NALCN: variants seen among roughly 807,000 people sequenced by gnomAD.
NALCN encodes sodium leak channel, non-selective.
A neutral mutation model predicts 225.3 loss-of-function variants in NALCN; 111 were observed. The ratio of observed to expected loss-of-function variants is 0.49; its 90% confidence interval spans 0.42 to 0.58. The LOEUF (loss-of-function observed/expected upper bound fraction) is 0.58. Among genes scored for constraint, NALCN ranks in the 20% least tolerant of loss-of-function variants. The pLI is 0.00. For missense variants in NALCN, 1,378 were observed against 2,202.4 expected (o/e 0.63, Z 7.49); for synonymous variants, 764 against 769.0 (o/e 0.99, Z 0.11).
At chr13:101,309,602 T>A (rs1216220431) in intron 7 of NALCN, among the ~76,000 whole-genome samples, 1 of 152,222 alleles carries the variant, frequency 6.6e-6, no homozygotes, top group Admixed American at 6.5e-5. Context: ...AAGACTCTAG[T>A]GTAATGCCTT....
chr13:101,065,393 C>T lies in NALCN; in HGVS notation c.4604+11G>A. 6.2e-7 allele frequency: 1 copy of T among 1,613,910 alleles called. No homozygotes were observed. The highest frequency in any genetic ancestry group is 8.5e-7 in the Non-Finnish European group (1 of 1,179,864). ...GGCCCCCATTCAGCCCTGCGAAAGC[C>T]TGCCTTGTACCTCAGGACATCATGG... On this transcript the variant is annotated intron_variant, in intron 40 of 43. Coordinates refer to ENST00000251127, the MANE Select transcript of NALCN (RefSeq NM_052867.4).
intron 13 of NALCN, among the ~76,000 whole-genome samples, chr13:101,205,793 T>C (rs926039401): frequency 1.3e-5 from 2 of 152,110 alleles, no homozygotes; most frequent in African/African-American, 2.4e-5. Context: ...TACATGAAAT[T>C]GATATTTTCA....
At chr13:101,368,068 A>G (rs2046428353) in intron 6 of NALCN, among the ~76,000 whole-genome samples, 2 of 151,626 alleles carry the variant, frequency 1.3e-5, no homozygotes, top group South Asian at 4.2e-4. Context: ...TTAGTTACAT[A>G]TGTATACATG....
At chr13:101,212,583 A>G (rs2040566243) in intron 13 of NALCN, among the ~76,000 whole-genome samples, 1 of 152,202 alleles carries the variant, frequency 6.6e-6, no homozygotes, top group South Asian at 2.1e-4. Flanking sequence ...ATGAAAAACC[A>G]AGAACATGAT....
At chr13:101,112,856 AC>A (rs2035517494) in intron 18 of NALCN, among the ~76,000 whole-genome samples, 1 of 152,222 alleles carries the variant, frequency 6.6e-6, no homozygotes, top group Admixed American at 6.5e-5. Flanking sequence ...CTCTTATGAT[AC>A]ATGTATAATA....
At chr13:101,069,925 T>G (rs189282750) in intron 37 of NALCN, among the ~76,000 whole-genome samples, 1 of 152,326 alleles carries the variant, frequency 6.6e-6, no homozygotes, top group East Asian at 1.9e-4. Flanking sequence ...TCTTGCTATT[T>G]CTACCAACCA....
chr13:101,398,394 A>G (rs1331431499), intron 2 of NALCN, among the ~76,000 whole-genome samples: 1 of 152,150 alleles, frequency 6.6e-6, no homozygotes, highest in Admixed American at 6.5e-5. Context: ...ATGAGTAAGA[A>G]GTTGATCCTG....
At chr13:101,203,013 C>A (rs1428680536) in intron 13 of NALCN, among the ~76,000 whole-genome samples, 2 of 152,188 alleles carry the variant, frequency 1.3e-5, no homozygotes, top group South Asian at 2.1e-4. Flanking sequence ...ATTCAGCCGT[C>A]CTGAGACCAG....
intron 7 of NALCN, among the ~76,000 whole-genome samples, chr13:101,334,175 C>T (rs1025248204): frequency 2.1e-5 from 3 of 146,090 alleles, no homozygotes; most frequent in East Asian, 2.2e-4. Flanking sequence ...CACACAGGCA[C>T]GCACGTGTGC....
intron 7 of NALCN, among the ~76,000 whole-genome samples, chr13:101,321,290 G>C (rs1311198951): frequency 6.6e-6 from 1 of 152,022 alleles, no homozygotes; most frequent in African/African-American, 2.4e-5. Context: ...AATGGGCGAA[G>C]CATGTGAACC....
At chr13:101,143,282 T>A in intron 16 of NALCN, 61 bp from the exon 17 acceptor site, 1 of 1,500,688 alleles carries the variant, frequency 6.7e-7, no homozygotes, top group Non-Finnish European at 8.9e-7. Flanking sequence ...AGTGACAGCA[T>A]TTTGCAATGA....
At chr13:101,155,066 T>C (rs1432407654) in intron 15 of NALCN, among the ~76,000 whole-genome samples, 1 of 152,164 alleles carries the variant, frequency 6.6e-6, no homozygotes, top group Non-Finnish European at 1.5e-5. Context: ...ATTTCTATGT[T>C]GCATTATTAC....
chr13:101,289,543 TATATATAC>T lies in NALCN; in HGVS notation c.1047+2439_1047+2446del, dbSNP rs1048597982. On this transcript the variant is annotated intron_variant, in intron 9 of 43. Transcript: ENST00000251127. Reference sequence around the variant, plus strand: ...AAATGTGCATATATATATATATATATATATATACACATATTTTCTATACACATGGCTGT... The same window carrying T: ...AAATGTGCATATATATATATATATATACATATTTTCTATACACATGGCTGT... Among the ~76,000 whole-genome samples the T allele has an allele frequency of 4.2e-4, 55 of 131,296 alleles. 1 individual carries two copies. Among genetic ancestry groups the T allele is most frequent in the African/African-American group, 1.2e-3 (48 of 38,562 alleles). 86.1% of individuals were successfully genotyped at this position (131,296 alleles called of 152,430 possible).
At chr13:101,209,818 T>C (rs2040454264) in intron 13 of NALCN, among the ~76,000 whole-genome samples, 1 of 152,190 alleles carries the variant, frequency 6.6e-6, no homozygotes, top group Admixed American at 6.5e-5. Context: ...AAATGTGACA[T>C]TTGTCTAGAA....
At chr13:101,105,033 T>A (rs2139618288) in intron 22 of NALCN, 83 bp from the exon 23 acceptor site, 1 of 1,223,958 alleles carries the variant, frequency 8.2e-7, no homozygotes, top group East Asian at 2.3e-5. Context: ...AAACATCTCA[T>A]CTACCTAAAA....
intron 10 of NALCN, among the ~76,000 whole-genome samples, chr13:101,261,517 C>T (rs183167877): frequency 1.4e-4 from 22 of 152,162 alleles, no homozygotes; most frequent in African/African-American, 2.2e-4. Context: ...GTGTCCTCTT[C>T]GATTTCTTTC....
At chr13:101,186,614 G>C (rs893243608) in intron 14 of NALCN, among the ~76,000 whole-genome samples, 3 of 151,936 alleles carry the variant, frequency 2.0e-5, no homozygotes, top group African/African-American at 4.8e-5. Context: ...GTTATATAGT[G>C]TTTCCTTTTA....
intron 3 of NALCN, among the ~76,000 whole-genome samples, chr13:101,385,748 C>T (rs1362545205): frequency 6.6e-6 from 1 of 152,120 alleles, no homozygotes; most frequent in African/African-American, 2.4e-5. Context: ...GAAAGTTAGC[C>T]TTTCAAAAGA....
intron 7 of NALCN, among the ~76,000 whole-genome samples, chr13:101,332,444 C>T (rs1031361035): frequency 6.9e-6 from 1 of 145,600 alleles, no homozygotes; most frequent in Non-Finnish European, 1.5e-5. Context: ...ATTCGACTCA[C>T]GGTAGGCTTG....
Sources: allele counts gnomAD v4.1 joint callset (sites outside exome capture counted in the v4.1 genomes callset), GRCh38; gene constraint gnomAD v4.1.1; transcripts MANE v1.5; gene names NCBI Gene and HGNC (gene_info 2026-07-23, HGNC 2026-07-21).